The following KIF21A variants were observed in gnomAD, a reference collection of about 807,000 sequenced individuals.
KIF21A encodes kinesin family member 21A.
KIF21A carries 114 observed loss-of-function variants against 202.9 expected under a neutral mutation model. The observed-to-expected ratio is 0.56, with a 90% CI of 0.48 to 0.66. The LOEUF (loss-of-function observed/expected upper bound fraction) is 0.66. Ranked by LOEUF, KIF21A falls within the 30% of genes least tolerant of loss-of-function variation. KIF21A has a pLI of 0.00. For synonymous variants in KIF21A, 667 were observed against 670.8 expected (o/e 0.99, Z 0.09); for missense variants, 1,677 against 1,994.9 (o/e 0.84, Z 3.04).
At chr12:39,415,792 A>G (rs1316100240) in intron 1 of KIF21A, among the ~76,000 whole-genome samples, 2 of 152,102 alleles carry the variant, frequency 1.3e-5, no homozygotes, top group Admixed American at 1.3e-4. Context: ...CTCTATTCCA[A>G]CAATGTTGGC....
At chr12:39,336,427 T>C (rs1412724806) in intron 17 of KIF21A, among the ~76,000 whole-genome samples, 4 of 152,194 alleles carry the variant, frequency 2.6e-5, no homozygotes, top group Admixed American at 2.6e-4. Flanking sequence ...ATGACCATGC[T>C]TTACACTTAA....
At chr12:39,408,065 A>G (rs1224936694) in intron 1 of KIF21A, among the ~76,000 whole-genome samples, 2 of 152,172 alleles carry the variant, frequency 1.3e-5, no homozygotes, top group Non-Finnish European at 2.9e-5. Flanking sequence ...GGATTTTTAA[A>G]AAACTTACAA....
intron 1 of KIF21A, among the ~76,000 whole-genome samples, chr12:39,424,253 G>A (rs1272768213): frequency 3.9e-5 from 6 of 152,160 alleles, no homozygotes; most frequent in African/African-American, 1.4e-4. Context: ...TCAACTTTTA[G>A]GACAACATAC....
chr12:39,427,278 G>A (rs182575878), intron 1 of KIF21A, among the ~76,000 whole-genome samples: 368 of 152,262 alleles, frequency 2.4e-3, no homozygotes, highest in Admixed American at 5.5e-3. Flanking sequence ...TTTAGATATC[G>A]GAATACTTTA....
At chr12:39,418,095 C>T (rs1349440311) in intron 1 of KIF21A, among the ~76,000 whole-genome samples, 1 of 151,606 alleles carries the variant, frequency 6.6e-6, no homozygotes, top group African/African-American at 2.4e-5. Flanking sequence ...CTAGTCTCAG[C>T]TACTCATGGC....
chr12:39,417,429 T>G (rs1738555916), intron 1 of KIF21A, among the ~76,000 whole-genome samples: 1 of 152,174 alleles, frequency 6.6e-6, no homozygotes, highest in South Asian at 2.1e-4. Flanking sequence ...TTTCCACTAT[T>G]TATATTATGT....
chr12:39,441,676 A>AAAAAC (rs768010024), intron 1 of KIF21A, among the ~76,000 whole-genome samples: 11 of 137,382 alleles, frequency 8.0e-5, no homozygotes, highest in Middle Eastern at 3.6e-3. Context: ...AAAAAAAAAA[A>AAAAAC]AAAACACTTA....
intron 8 of KIF21A, 78 bp downstream of exon 8, chr12:39,358,100 T>C (rs1592317654): frequency 4.2e-6 from 5 of 1,177,524 alleles, no homozygotes; most frequent in Admixed American, 1.7e-5. Context: ...GAAACACGTA[T>C]GTGTAAGGCA....
chr12:39,411,647 C>T (rs1953088412), intron 1 of KIF21A, among the ~76,000 whole-genome samples: 1 of 152,228 alleles, frequency 6.6e-6, no homozygotes, highest in African/African-American at 2.4e-5. Context: ...TTGCCTCAGC[C>T]TCCCAAGAGG....
intron 1 of KIF21A, among the ~76,000 whole-genome samples, chr12:39,436,273 A>G (rs1437891075): frequency 6.6e-6 from 1 of 151,650 alleles, no homozygotes; most frequent in Non-Finnish European, 1.5e-5. Context: ...TTGAGCTACT[A>G]GTCATGTGAC....
chr12:39,326,382 C>T, intron 24 of KIF21A, 58 bp from the exon 25 acceptor site: 1 of 1,170,510 alleles, frequency 8.5e-7, no homozygotes, highest in Non-Finnish European at 1.3e-6. Context: ...TGAATGGTGA[C>T]TGCAATCCAT....
chr12:39,417,789 T>C (rs1325491545), intron 1 of KIF21A, among the ~76,000 whole-genome samples: 1 of 151,976 alleles, frequency 6.6e-6, no homozygotes, highest in South Asian at 2.1e-4. Flanking sequence ...TATATATATA[T>C]TATTAATATA....
At chr12:39,315,095 A>G in intron 31 of KIF21A, 134 bp downstream of exon 31, 4 of 826,452 alleles carry the variant, frequency 4.8e-6, no homozygotes, top group Non-Finnish European at 8.2e-6. Flanking sequence ...TTTAAGGTTA[A>G]ATATGGCAAA....
chr12:39,416,031 G>C (rs892931661), intron 1 of KIF21A, among the ~76,000 whole-genome samples: 52 of 152,104 alleles, frequency 3.4e-4, no homozygotes, highest in African/African-American at 1.2e-3. Flanking sequence ...AACAAGCCAG[G>C]GTACAAATTA....
chr12:39,426,380 T>C (rs1046172139), intron 1 of KIF21A, among the ~76,000 whole-genome samples: 1 of 152,180 alleles, frequency 6.6e-6, no homozygotes, highest in African/African-American at 2.4e-5. Flanking sequence ...CAGTCGTCAA[T>C]AAATATTTGC....
intron 1 of KIF21A, among the ~76,000 whole-genome samples, chr12:39,422,427 A>G (rs1356807338): frequency 6.6e-6 from 1 of 152,236 alleles, no homozygotes; most frequent in Non-Finnish European, 1.5e-5. Flanking sequence ...ATATCAGATG[A>G]TAAGACTACA....
intron 33 of KIF21A, among the ~76,000 whole-genome samples, chr12:39,308,221 C>T (rs540324314): frequency 2.0e-5 from 3 of 151,784 alleles, no homozygotes; most frequent in East Asian, 3.9e-4. Flanking sequence ...CACTAAAATA[C>T]TACTAAAAAT....
intron 1 of KIF21A, among the ~76,000 whole-genome samples, chr12:39,370,621 AT>A (rs1168317772): frequency 4.6e-5 from 7 of 151,962 alleles, no homozygotes; most frequent in African/African-American, 1.4e-4. Flanking sequence ...ATTGTTTTAG[AT>A]TTTTTTCTCT....
intron 1 of KIF21A, among the ~76,000 whole-genome samples, chr12:39,401,138 T>TA (rs1952143075): frequency 6.6e-6 from 1 of 152,076 alleles, no homozygotes; most frequent in South Asian, 2.1e-4. Flanking sequence ...CATGTTCCTT[T>TA]AAAAATGCAA....
Sources: allele counts gnomAD v4.1 joint callset (sites outside exome capture counted in the v4.1 genomes callset), GRCh38; gene constraint gnomAD v4.1.1; transcripts MANE v1.5; gene names NCBI Gene and HGNC (gene_info 2026-07-23, HGNC 2026-07-21).